TBL1XR1: variants seen among roughly 807,000 people sequenced by gnomAD.
TBL1XR1 encodes F-box-like/WD repeat-containing protein TBL1XR1.
TBL1XR1 carries 5 observed loss-of-function variants against 66.9 expected under a neutral mutation model. The ratio of observed to expected loss-of-function variants is 0.07; its 90% CI spans 0.04 to 0.16. The LOEUF (loss-of-function observed/expected upper bound fraction) is 0.16, where lower values mean the gene tolerates loss of function less well. Ranked by LOEUF, TBL1XR1 falls within the 10% of genes least tolerant of loss-of-function variation. The pLI is 1.00. For synonymous variants in TBL1XR1, 210 were observed against 206.0 expected (o/e 1.02, Z -0.17); for missense variants, 238 against 623.2 (o/e 0.38, Z 6.58).
chr3:177,148,001 C>G (rs1027065706), intron 1 of TBL1XR1, among the ~76,000 whole-genome samples: 5 of 152,216 alleles, frequency 3.3e-5, no homozygotes, highest in African/African-American at 1.2e-4. Context: ...AATCTTTCCA[C>G]CATTAAGAAA....
chr3:177,178,522 T>C (rs1287982970), intron 1 of TBL1XR1, among the ~76,000 whole-genome samples: 2 of 151,958 alleles, frequency 1.3e-5, no homozygotes, highest in African/African-American at 4.8e-5. Context: ...AAAATACAAA[T>C]AAAAATGTTT....
intron 1 of TBL1XR1, among the ~76,000 whole-genome samples, chr3:177,150,779 G>A (rs1560232077): frequency 6.6e-6 from 1 of 152,210 alleles, no homozygotes; most frequent in Admixed American, 6.5e-5. Flanking sequence ...ATCTAAGGAC[G>A]CTGACATAAT....
intron 10 of TBL1XR1, among the ~76,000 whole-genome samples, chr3:177,043,381 T>C (rs1715867824): frequency 2.6e-5 from 4 of 152,318 alleles, no homozygotes; most frequent in South Asian, 4.1e-4. Flanking sequence ...TTTTGTTGAA[T>C]TGACTGTTTA....
In TBL1XR1 at chr3:177,118,542, AAGAC is replaced by A. The variant is rs762377544; in HGVS notation, c.-121-20005_-121-20002del. On this transcript the variant is annotated intron_variant, in intron 1 of 15. Transcript: ENST00000457928. Reference sequence around the variant, plus strand: ...CGGAAGGAAGAAGAAAGGAAATAAAAAGACAGACATTAGGAAGACTTTAAAGAGA... The same window carrying A: ...CGGAAGGAAGAAGAAAGGAAATAAAAAGACATTAGGAAGACTTTAAAGAGA... Among the ~76,000 whole-genome samples, 5 of 152,342 alleles carry A rather than the reference AAGAC, an allele frequency of 3.3e-5. No individual in the cohort carries two copies. In the South Asian group the frequency reaches 1.0e-3, roughly 32 times the overall value.
chr3:177,048,684 A>G (rs1445457158), intron 7 of TBL1XR1, among the ~76,000 whole-genome samples: 1 of 152,240 alleles, frequency 6.6e-6, no homozygotes, highest in Non-Finnish European at 1.5e-5. Context: ...AAATACTGTA[A>G]AGATGAGAAA....
At chr3:177,182,291 A>G (rs1373627484) in intron 1 of TBL1XR1, among the ~76,000 whole-genome samples, 4 of 152,098 alleles carry the variant, frequency 2.6e-5, no homozygotes. Flanking sequence ...GGCTGAGGTG[A>G]TAGGACCACC....
chr3:177,131,366 T>A, intron 1 of TBL1XR1: 1 of 985,422 alleles, frequency 1.0e-6, no homozygotes, highest in Non-Finnish European at 1.2e-6. Flanking sequence ...CACTCACTTT[T>A]ACACCCATTC....
intron 1 of TBL1XR1, among the ~76,000 whole-genome samples, chr3:177,118,266 T>G (rs1004560667): frequency 6.6e-6 from 1 of 152,234 alleles, no homozygotes; most frequent in Non-Finnish European, 1.5e-5. Context: ...ATTCATTCAT[T>G]CATTAACTCA....
At chr3:177,089,282 C>G (rs1722535808) in intron 2 of TBL1XR1, among the ~76,000 whole-genome samples, 1 of 152,132 alleles carries the variant, frequency 6.6e-6, no homozygotes, top group Admixed American at 6.5e-5. Flanking sequence ...CTCAACTTTC[C>G]CAAGCAGCTG....
chr3:177,072,653 A>G (rs1340949309), intron 2 of TBL1XR1, among the ~76,000 whole-genome samples: 4 of 152,196 alleles, frequency 2.6e-5, no homozygotes, highest in African/African-American at 9.7e-5. Flanking sequence ...ACAGGACTGC[A>G]ATGGTTTGAA....
intron 2 of TBL1XR1, among the ~76,000 whole-genome samples, chr3:177,069,773 G>GA (rs1296577400): frequency 2.0e-5 from 2 of 97,602 alleles, no homozygotes; most frequent in African/African-American, 4.6e-5. Context: ...AGAAAGGAAG[G>GA]AAAGGAAGGA....
At chr3:177,058,066 T>C (rs1033784507) in intron 3 of TBL1XR1, among the ~76,000 whole-genome samples, 1 of 152,018 alleles carries the variant, frequency 6.6e-6, no homozygotes, top group African/African-American at 2.4e-5. Context: ...AAATAGGCAA[T>C]ACAAGAATAA....
At chr3:177,082,738 T>TATTATATATATATATATATA (rs1721561508) in intron 2 of TBL1XR1, among the ~76,000 whole-genome samples, 1 of 63,234 alleles carries the variant, frequency 1.6e-5, no homozygotes, top group Non-Finnish European at 3.0e-5. Context: ...AAGATAGAGA[T>TATTATATATATATATATATA]TATATATATA....
chr3:177,080,912 A>T lies in TBL1XR1; in HGVS notation c.-45-15890T>A, dbSNP rs567259544. Among the ~76,000 whole-genome samples the T allele has an allele frequency of 9.2e-5, 14 of 152,342 alleles. No homozygotes were observed. The East Asian group carries it at 2.1e-3, about 23-fold the overall frequency. ...ATACTTCATTGCTTATGTTGATGCT[A>T]AGGTTCTTACCTGGCAGACTTAACA... On this transcript the variant is annotated intron_variant, in intron 2 of 15. Coordinates refer to ENST00000457928, the MANE Select transcript of TBL1XR1 (RefSeq NM_024665.7).
chr3:177,127,984 C>T (rs896344730), intron 1 of TBL1XR1, among the ~76,000 whole-genome samples: 1 of 152,054 alleles, frequency 6.6e-6, no homozygotes, highest in Non-Finnish European at 1.5e-5. Flanking sequence ...TTTGGGAGTC[C>T]GAAGCAAGCA....
intron 1 of TBL1XR1, among the ~76,000 whole-genome samples, chr3:177,153,171 A>G (rs967625384): frequency 1.3e-5 from 2 of 152,152 alleles, no homozygotes; most frequent in African/African-American, 4.8e-5. Flanking sequence ...GTTGAAGTAA[A>G]AAGATTAACA....
At chr3:177,188,687 C>A (rs1735744060) in intron 1 of TBL1XR1, among the ~76,000 whole-genome samples, 1 of 152,150 alleles carries the variant, frequency 6.6e-6, no homozygotes, top group Admixed American at 6.5e-5. Flanking sequence ...TTTAAATGTT[C>A]AACAGGTATT....
At chr3:177,138,282 A>C (rs1165101793) in intron 1 of TBL1XR1, among the ~76,000 whole-genome samples, 3 of 152,216 alleles carry the variant, frequency 2.0e-5, no homozygotes, top group East Asian at 3.8e-4. Flanking sequence ...GGATAAAGCC[A>C]GAAAAGGAAT....
intron 1 of TBL1XR1, among the ~76,000 whole-genome samples, chr3:177,153,854 G>A (rs367795873): frequency 2.0e-3 from 287 of 141,840 alleles, no homozygotes; most frequent in Non-Finnish European, 3.2e-3. Flanking sequence ...TCCAGCCTGG[G>A]CAACAAGAGC....
Sources: gnomAD v4.1 joint callset for allele counts (sites outside exome capture counted in the v4.1 genomes callset) on GRCh38, gnomAD v4.1.1 for gene constraint, MANE v1.5 for transcripts, NCBI Gene and HGNC (gene_info 2026-07-23, HGNC 2026-07-21) for gene names.